MAP4: variants seen among roughly 807,000 people sequenced by gnomAD.
The protein encoded by MAP4 is microtubule associated protein 4, also known as microtubule-associated protein 4.
Under a neutral mutation model 170.2 loss-of-function variants are expected in MAP4, and 76 were observed. That is an observed-to-expected ratio of 0.45 (90% confidence interval 0.37 to 0.54). The LOEUF is 0.54. Ranked by LOEUF, MAP4 falls within the 20% of genes least tolerant of loss-of-function variation. The pLI is 0.00. For synonymous variants in MAP4, 909 were observed against 994.5 expected (o/e 0.91, Z 1.62); for missense variants, 2,506 against 2,748.0 (o/e 0.91, Z 1.97).
At chr3:48,056,473 G>A (rs1450010637) in intron 1 of MAP4, among the ~76,000 whole-genome samples, 5 of 59,396 alleles carry the variant, frequency 8.4e-5, no homozygotes, top group African/African-American at 1.5e-4. Context: ...CAGCCGCCCC[G>A]TCCGGGAGGG....
chr3:47,925,132 T>C (rs1442092109), intron 4 of MAP4, among the ~76,000 whole-genome samples: 2 of 152,146 alleles, frequency 1.3e-5, no homozygotes, highest in Non-Finnish European at 2.9e-5. Context: ...TTTTCTGTAA[T>C]TTAATCTTAG....
chr3:47,881,082 G>A (rs1047292545), intron 10 of MAP4, among the ~76,000 whole-genome samples: 1 of 151,904 alleles, frequency 6.6e-6, no homozygotes, highest in Non-Finnish European at 1.5e-5. Flanking sequence ...ATTTAGAATT[G>A]CTAAGTTTTC....
rs776223291 is a variant in MAP4 at position 47,977,915 on chromosome 3, G to T, written c.242C>A (p.Pro81Gln). 19 of 1,611,692 alleles carry T rather than the reference G, an allele frequency of 1.2e-5. No homozygotes were observed. Among genetic ancestry groups the T allele is most frequent in the Non-Finnish European group, 1.5e-5 (18 of 1,178,218 alleles). ...ATGACCACCATTGGCTAGGAGTGTTGGTTTAGAAGATGGAGTATCTGCAAC... is the reference window on the plus strand; with the variant it reads ...ATGACCACCATTGGCTAGGAGTGTTTGTTTAGAAGATGGAGTATCTGCAAC... ...SQIEDTPSSK[P>Q]TLLANGGHGV... The change falls in exon 3 of 21, where the codon CCA becomes CAA. Residue 81 changes from proline (P) to glutamine (Q), a missense_variant. Pro to Gln is a moderately conservative substitution (Grantham distance 76). This residue lies in a region of MAP4 where 2,008 missense variants were observed against 2,206.0 expected (regional missense o/e 0.91). Coordinates refer to ENST00000683076, the MANE Select transcript of MAP4 (RefSeq NM_001385682.1).
intron 5 of MAP4, among the ~76,000 whole-genome samples, 184 bp from the exon 6 acceptor site, chr3:47,919,025 G>A (rs937229842): frequency 7.3e-5 from 11 of 151,468 alleles, no homozygotes; most frequent in African/African-American, 2.2e-4. Context: ...TCCGCTTCCC[G>A]GGTTCACGCC....
chr3:48,033,587 G>T (rs2100117261), intron 1 of MAP4, among the ~76,000 whole-genome samples: 2 of 151,880 alleles, frequency 1.3e-5, no homozygotes, highest in South Asian at 2.1e-4. Context: ...CTGTCCTTAA[G>T]AATTTTTTTA....
intron 3 of MAP4, among the ~76,000 whole-genome samples, chr3:47,955,365 C>T (rs1186798657): frequency 6.6e-6 from 1 of 151,756 alleles, no homozygotes; most frequent in Non-Finnish European, 1.5e-5. Context: ...CTATGCCATT[C>T]TCCTACCATA....
chr3:48,062,470 C>A (rs369068243), intron 1 of MAP4, among the ~76,000 whole-genome samples: 2 of 112,522 alleles, frequency 1.8e-5, no homozygotes, highest in Admixed American at 1.3e-4. Context: ...TCCCCTTCTG[C>A]GAGAAACACC....
At chr3:48,011,417 A>T (rs150959990) in intron 1 of MAP4, among the ~76,000 whole-genome samples, 177 of 152,072 alleles carry the variant, frequency 1.2e-3, no homozygotes, top group Non-Finnish European at 1.9e-3. Context: ...TATTATTTAG[A>T]TGGTATGCAC....
At chr3:48,079,846 A>T (rs972289714) in intron 1 of MAP4, among the ~76,000 whole-genome samples, 3 of 151,768 alleles carry the variant, frequency 2.0e-5, no homozygotes, top group African/African-American at 7.3e-5. Context: ...GCTACTCGGG[A>T]GGCTGAGGCA....
chr3:47,929,982 T>C (rs908995576), intron 3 of MAP4, among the ~76,000 whole-genome samples: 1 of 151,748 alleles, frequency 6.6e-6, no homozygotes, highest in Non-Finnish European at 1.5e-5. Context: ...ATACAAAAAT[T>C]AGCTGGGCCT....
chr3:47,930,236 G>T (rs2100048796), intron 3 of MAP4, among the ~76,000 whole-genome samples: 1 of 151,722 alleles, frequency 6.6e-6, no homozygotes, highest in African/African-American at 2.4e-5. Flanking sequence ...ATGAGGTCAG[G>T]AGATCGAGAC....
intron 2 of MAP4, among the ~76,000 whole-genome samples, chr3:47,984,812 T>C (rs1245419318): frequency 1.3e-5 from 2 of 151,260 alleles, no homozygotes; most frequent in African/African-American, 4.9e-5. Flanking sequence ...CTAATAAAGA[T>C]ACAAAAATTA....
Position 47,974,342 on chromosome 3 carries a change from T to C in MAP4, c.292+3523A>G. The C allele has an allele frequency of 2.1e-6, 1 of 478,446 alleles. No individual in the cohort carries two copies. Among genetic ancestry groups the C allele is most frequent in the Non-Finnish European group, 2.7e-6 (1 of 367,132 alleles). 29.6% of individuals were successfully genotyped at this position (478,446 alleles called of 1,614,324 possible). A position where few individuals can be genotyped will look rare whatever the true frequency, so the allele number is the denominator to read the frequency against. On this transcript the variant is annotated intron_variant, in intron 3 of 20. Coordinates refer to ENST00000683076, the MANE Select transcript of MAP4 (RefSeq NM_001385682.1). The stretch of plus-strand genomic sequence containing the variant: ...TGGGAGGCTGAGGCAGGAGAACCAC[T>C]TGAACCTGGGAGGCAGAGGGTGCAG...
rs76709991 is a variant in MAP4, at chr3:47,918,947, G to C, written c.530-106C>G. 137 of 926,398 alleles carry C rather than the reference G, an allele frequency of 1.5e-4. No homozygotes were observed. In the East Asian group the frequency reaches 3.9e-3, roughly 27 times the overall value. 57.4% of individuals were successfully genotyped at this position (926,398 alleles called of 1,614,324 possible). The stretch of plus-strand genomic sequence containing the variant: ...GTTTTGTTTTGTTTGTTTTTTTTTT[G>C]AGACAGAGTTTCGCTCTGTTGCCCA... On this transcript the variant is annotated intron_variant, in intron 5 of 20. Coordinates refer to ENST00000683076, the MANE Select transcript of MAP4 (RefSeq NM_001385682.1).
At chr3:47,957,809 TTCAA>T (rs1244855644) in intron 3 of MAP4, among the ~76,000 whole-genome samples, 2 of 152,258 alleles carry the variant, frequency 1.3e-5, no homozygotes, top group Non-Finnish European at 2.9e-5. Flanking sequence ...GGGTAATGAT[TTCAA>T]TCAGAGACAC....
At chr3:47,873,581 T>C (rs1003558081) in intron 12 of MAP4, among the ~76,000 whole-genome samples, 6 of 152,164 alleles carry the variant, frequency 3.9e-5, no homozygotes, top group Admixed American at 3.9e-4. Flanking sequence ...TTTCCACAAA[T>C]AAAGGCCTTA....
intron 3 of MAP4, among the ~76,000 whole-genome samples, chr3:47,928,684 A>G (rs1222896252): frequency 6.6e-6 from 1 of 152,144 alleles, no homozygotes; most frequent in Non-Finnish European, 1.5e-5. Flanking sequence ...TTTAGATAGA[A>G]GGAAATAAAG....
chr3:48,028,959 A>G (rs1342341885), intron 1 of MAP4, among the ~76,000 whole-genome samples: 1 of 151,962 alleles, frequency 6.6e-6, no homozygotes, highest in Non-Finnish European at 1.5e-5. Context: ...CCTGGGCAAC[A>G]TGGTGAACCC....
chr3:47,863,427 T>C (rs969404499), intron 17 of MAP4, among the ~76,000 whole-genome samples: 1 of 152,072 alleles, frequency 6.6e-6, no homozygotes, highest in Non-Finnish European at 1.5e-5. Flanking sequence ...GCCTCCACTC[T>C]ATGCTCCAGC....
Sources: allele counts gnomAD v4.1 joint callset (sites outside exome capture counted in the v4.1 genomes callset), GRCh38; gene constraint gnomAD v4.1.1; regional missense constraint gnomAD v4.1.1; transcripts MANE v1.5; gene names NCBI Gene and HGNC (gene_info 2026-07-23, HGNC 2026-07-21).